RFC1: variants seen among roughly 807,000 people sequenced by gnomAD.
The protein encoded by RFC1 is replication factor C subunit 1.
A neutral mutation model predicts 137.4 loss-of-function variants in RFC1; 37 were observed. That is an observed-to-expected ratio of 0.27 (90% CI 0.21 to 0.35). The LOEUF is 0.35. Ranked by LOEUF, RFC1 falls within the 10% of genes least tolerant of loss-of-function variation. The pLI, the probability that RFC1 is intolerant of heterozygous loss-of-function variation, is 1.00. For synonymous variants in RFC1, 429 were observed against 455.7 expected (o/e 0.94, Z 0.75); for missense variants, 1,205 against 1,358.5 (o/e 0.89, Z 1.78).
intron 1 of RFC1, among the ~76,000 whole-genome samples, chr4:39,358,890 ACCGATACTT>A (rs1398785778): frequency 6.6e-6 from 1 of 152,186 alleles, no homozygotes; most frequent in East Asian, 1.9e-4. Flanking sequence ...TTATGTACAT[ACCGATACTT>A]CCTAAATCTT....
At chr4:39,311,604 T>A in intron 11 of RFC1, 55 bp from the exon 12 acceptor site, 1 of 1,396,348 alleles carries the variant, frequency 7.2e-7, no homozygotes, top group Non-Finnish European at 9.8e-7. Flanking sequence ...TACCATTCCC[T>A]TCTCTTACAA....
intron 5 of RFC1, 73 bp downstream of exon 5, chr4:39,327,451 C>T: frequency 1.2e-6 from 1 of 860,330 alleles, no homozygotes; most frequent in African/African-American, 1.7e-5. Context: ...TTTACTACAT[C>T]CTAGTTTCTC....
At chr4:39,363,064 A>G (rs1038379028) in intron 1 of RFC1, among the ~76,000 whole-genome samples, 9 of 152,228 alleles carry the variant, frequency 5.9e-5, no homozygotes, top group African/African-American at 2.2e-4. Flanking sequence ...AACTGACCTC[A>G]CGGCTCTTCA....
chr4:39,334,558 T>C (rs1310125515), intron 4 of RFC1, among the ~76,000 whole-genome samples: 2 of 152,170 alleles, frequency 1.3e-5, no homozygotes, highest in African/African-American at 4.8e-5. Context: ...AAAGTTGTAG[T>C]TGTTCTTTTT....
At chr4:39,292,060 G>T in intron 22 of RFC1, 1 of 515,650 alleles carries the variant, frequency 1.9e-6, no homozygotes, top group South Asian at 3.0e-5. Flanking sequence ...TGTGCCCAAA[G>T]GAAATTTTCT....
intron 1 of RFC1, among the ~76,000 whole-genome samples, chr4:39,359,003 T>TA (rs1245228895): frequency 6.6e-6 from 1 of 152,180 alleles, no homozygotes; most frequent in Non-Finnish European, 1.5e-5. Flanking sequence ...AAGGTGCCTC[T>TA]AACTAATAAT....
chr4:39,324,102 T>C (rs1018110824), intron 6 of RFC1, among the ~76,000 whole-genome samples: 3 of 152,196 alleles, frequency 2.0e-5, no homozygotes, highest in Non-Finnish European at 2.9e-5. Context: ...AGTATCTTTC[T>C]CATTATAAAC....
chr4:39,335,566 T>C (rs17288041), intron 4 of RFC1, among the ~76,000 whole-genome samples: 37 of 152,130 alleles, frequency 2.4e-4, no homozygotes, highest in Non-Finnish European at 4.1e-4. Context: ...GAGAAAAAAG[T>C]ACTGGCTTGA....
chr4:39,319,840 T>A (rs923684984), intron 9 of RFC1, among the ~76,000 whole-genome samples: 4 of 152,166 alleles, frequency 2.6e-5, no homozygotes, highest in African/African-American at 9.7e-5. Flanking sequence ...AGCATGGTTA[T>A]GCTGGACAAA....
chr4:39,288,025 C>G lies in RFC1; in HGVS notation c.*736G>C, dbSNP rs893680896. 5 of 152,218 alleles carry G rather than the reference C, an allele frequency of 3.3e-5. No homozygotes were observed. The highest frequency in any genetic ancestry group is 1.2e-4 in the African/African-American group (5 of 41,448). 9.4% of individuals were successfully genotyped at this position (152,218 alleles called of 1,614,324 possible). The stretch of plus-strand genomic sequence containing the variant: ...TCACAGCAGAGACGTGGTCAACACA[C>G]ACAGAGGGAGTGAGGCTGGGAATCC... On this transcript the variant is annotated 3_prime_UTR_variant, in exon 25 of 25. Transcript: ENST00000349703.
At chr4:39,292,634 A>G (rs1157581893) in intron 22 of RFC1, among the ~76,000 whole-genome samples, 4 of 150,218 alleles carry the variant, frequency 2.7e-5, no homozygotes, top group Non-Finnish European at 4.4e-5. Context: ...TTATTTATTT[A>G]TTTATTTATT....
chr4:39,302,234 G>GTT (rs1293427359), intron 19 of RFC1, 44 bp downstream of exon 19: 1 of 1,229,620 alleles, frequency 8.1e-7, no homozygotes, highest in Non-Finnish European at 1.2e-6. Context: ...AACAAGAAGT[G>GTT]TTTTGGCTTA....
Position 39,290,056 on chromosome 4 carries a change from G to C in RFC1, c.3169-17C>G. 6.4e-7 allele frequency: 1 copy of C among 1,569,420 alleles called. No homozygotes were observed. The highest frequency in any genetic ancestry group is 8.7e-7 in the Non-Finnish European group (1 of 1,153,490). ...TGCTTTCACCTATATGAAAGGAGTA[G>C]ATGGAGTTTTTAAAAATCTAAGTCC... On this transcript the variant is annotated splice_polypyrimidine_tract_variant and intron_variant, in intron 23 of 24. Coordinates refer to ENST00000349703, the MANE Select transcript of RFC1 (RefSeq NM_002913.5).
intron 4 of RFC1, among the ~76,000 whole-genome samples, chr4:39,330,264 T>C (rs745814047): frequency 2.6e-5 from 4 of 152,182 alleles, no homozygotes; most frequent in Non-Finnish European, 5.9e-5. Flanking sequence ...TCTAATGATA[T>C]GTAAAAATCA....
chr4:39,365,982 T>TG (rs1175261520), intron 1 of RFC1, among the ~76,000 whole-genome samples: 4 of 151,812 alleles, frequency 2.6e-5, no homozygotes, highest in Non-Finnish European at 2.9e-5. Context: ...CCCCCAAGAG[T>TG]GGGGGGCGGG....
intron 22 of RFC1, among the ~76,000 whole-genome samples, chr4:39,294,552 C>T (rs1198618022): frequency 6.6e-6 from 1 of 152,004 alleles, no homozygotes; most frequent in African/African-American, 2.4e-5. Context: ...GCACCTTAGT[C>T]CCAACTACTC....
At chr4:39,358,892 C>T (rs780930627) in intron 1 of RFC1, among the ~76,000 whole-genome samples, 9 of 152,234 alleles carry the variant, frequency 5.9e-5, no homozygotes, top group East Asian at 1.9e-4. Context: ...ATGTACATAC[C>T]GATACTTCCT....
At chr4:39,359,352 T>C (rs541752077) in intron 1 of RFC1, among the ~76,000 whole-genome samples, 1 of 152,146 alleles carries the variant, frequency 6.6e-6, no homozygotes, top group Admixed American at 6.6e-5. Flanking sequence ...CTGTGGGAGA[T>C]ATATATATAC....
At chr4:39,301,154 TTAC>T (rs1738339182) in intron 19 of RFC1, among the ~76,000 whole-genome samples, 1 of 151,456 alleles carries the variant, frequency 6.6e-6, no homozygotes, top group Admixed American at 6.6e-5. Context: ...TTATATGCCA[TTAC>T]TACGTGAAAA....
Sources: allele counts gnomAD v4.1 joint callset (sites outside exome capture counted in the v4.1 genomes callset), GRCh38; gene constraint gnomAD v4.1.1; transcripts MANE v1.5; gene names NCBI Gene and HGNC (gene_info 2026-07-23, HGNC 2026-07-21).